The following RPTOR variants were observed in gnomAD, a reference collection of about 807,000 sequenced individuals.
RPTOR encodes regulatory associated protein of MTOR complex 1.
In RPTOR, 21 loss-of-function variants were observed where a neutral mutation model predicts 169.9. That is an observed-to-expected ratio of 0.12 (90% CI 0.09 to 0.18). The LOEUF is 0.18. RPTOR is among the 10% of genes least tolerant of loss of function. RPTOR has a pLI of 1.00. For missense variants in RPTOR, 1,133 were observed against 1,855.9 expected, an observed-to-expected ratio of 0.61 and a Z score of 7.16; for synonymous variants, 732 against 753.2, an observed-to-expected ratio of 0.97 and a Z score of 0.46.
At chr17:80,640,762 T>G (rs2065546884) in intron 2 of RPTOR, among the ~76,000 whole-genome samples, 1 of 151,916 alleles carries the variant, frequency 6.6e-6, no homozygotes. Context: ...TTCCAAGGGG[T>G]GAAATCCAAG....
chr17:80,759,958 G>T (rs138405817), intron 6 of RPTOR, among the ~76,000 whole-genome samples: 1 of 152,108 alleles, frequency 6.6e-6, no homozygotes, highest in African/African-American at 2.4e-5. Flanking sequence ...CAGAATTTAC[G>T]ATTTCATATC....
intron 1 of RPTOR, among the ~76,000 whole-genome samples, chr17:80,623,053 AC>A (rs1486857952): frequency 1.3e-5 from 2 of 152,258 alleles, no homozygotes; most frequent in Non-Finnish European, 2.9e-5. Flanking sequence ...TAAAGATTGT[AC>A]TTAAAATCAG....
chr17:80,905,044 C>T (rs538285992), intron 20 of RPTOR, among the ~76,000 whole-genome samples: 7 of 152,300 alleles, frequency 4.6e-5, no homozygotes, highest in Admixed American at 1.3e-4. Flanking sequence ...CCAGGGCCCA[C>T]GACGCTCAGT....
At chr17:80,743,321 C>G (rs1292175925) in intron 5 of RPTOR, 1 of 985,386 alleles carries the variant, frequency 1.0e-6, no homozygotes, top group African/African-American at 1.7e-5. Flanking sequence ...GCAGGGCGCT[C>G]TTGCAGGTTC....
intron 11 of RPTOR, among the ~76,000 whole-genome samples, chr17:80,852,334 G>A (rs2589149): frequency 0.11 from 16,260 of 152,036 alleles, 910 homozygotes; most frequent in Middle Eastern, 0.13. Context: ...CAGGTTAGCC[G>A]GCCCCAGAGC....
At chr17:80,840,170 C>A (rs537493213) in intron 10 of RPTOR, among the ~76,000 whole-genome samples, 67 of 152,294 alleles carry the variant, frequency 4.4e-4, no homozygotes, top group Non-Finnish European at 7.4e-4. Context: ...CTCCTCCCTT[C>A]CCCAGCAGTG....
intron 7 of RPTOR, among the ~76,000 whole-genome samples, chr17:80,808,995 G>A (rs1369459442): frequency 1.3e-5 from 2 of 152,194 alleles, no homozygotes; most frequent in Non-Finnish European, 2.9e-5. Flanking sequence ...CTTTGTGTGG[G>A]CATATATATT....
intron 3 of RPTOR, among the ~76,000 whole-genome samples, chr17:80,647,731 C>T (rs1001403617): frequency 7.2e-5 from 11 of 152,112 alleles, no homozygotes; most frequent in African/African-American, 2.7e-4. Context: ...AGGCGGAAGG[C>T]GCTCCTCAGT....
chr17:80,573,592 TA>T (rs2064930198), intron 1 of RPTOR, among the ~76,000 whole-genome samples: 2 of 152,198 alleles, frequency 1.3e-5, no homozygotes, highest in Non-Finnish European at 2.9e-5. Context: ...GAGTAAAAAT[TA>T]TTTTTTATAT....
intron 21 of RPTOR, among the ~76,000 whole-genome samples, chr17:80,910,833 T>C (rs2068603338): frequency 7.7e-6 from 1 of 130,542 alleles, no homozygotes; most frequent in Non-Finnish European, 1.6e-5. Flanking sequence ...AGTTGGTTCT[T>C]CTTCAGTTCT....
intron 3 of RPTOR, among the ~76,000 whole-genome samples, chr17:80,700,514 GT>G (rs2066079220): frequency 8.6e-6 from 1 of 115,982 alleles, no homozygotes; most frequent in African/African-American, 3.6e-5. Flanking sequence ...GATGGTGATG[GT>G]GATGGTGGTG....
Position 80,820,969 on chromosome 17 carries a change from C to A in RPTOR, c.891-1232C>A, listed in dbSNP as rs921380503. ...TTTGGAAATCTTTGTTTGAGACTTCCGGCATTGTTTGAGCAGCAGTGCTGC... is the reference window on the plus strand; with the variant it reads ...TTTGGAAATCTTTGTTTGAGACTTCAGGCATTGTTTGAGCAGCAGTGCTGC... On this transcript the variant is annotated intron_variant, in intron 7 of 33. Coordinates refer to ENST00000306801, the MANE Select transcript of RPTOR (RefSeq NM_020761.3). The surrounding 1 kb of genome is among the most constrained non-coding windows in gnomAD (Gnocchi z 4.1). Among the ~76,000 whole-genome samples the A allele has an allele frequency of 1.3e-5, 2 of 152,220 alleles. No individual in the cohort carries two copies. The highest frequency in any genetic ancestry group is 2.9e-5 in the Non-Finnish European group (2 of 68,038).
intron 1 of RPTOR, among the ~76,000 whole-genome samples, chr17:80,614,124 A>G (rs957661814): frequency 2.0e-5 from 3 of 152,142 alleles, no homozygotes; most frequent in Admixed American, 2.0e-4. Context: ...GCTCAAAGAT[A>G]AGCCAGGCCT....
intron 7 of RPTOR, among the ~76,000 whole-genome samples, chr17:80,819,289 C>G (rs919981717): frequency 2.0e-5 from 3 of 152,240 alleles, no homozygotes; most frequent in Non-Finnish European, 4.4e-5. Flanking sequence ...GGAAGGGTAT[C>G]CCCATGATCG....
chr17:80,871,263 G>T (rs565508283), intron 13 of RPTOR, among the ~76,000 whole-genome samples: 364 of 152,166 alleles, frequency 2.4e-3, no homozygotes, highest in African/African-American at 8.4e-3. Flanking sequence ...CCGCCACCAC[G>T]CCCGGCTAAT....
intron 20 of RPTOR, among the ~76,000 whole-genome samples, chr17:80,895,780 G>T (rs12103756): frequency 0.033 from 4,976 of 152,310 alleles, 180 homozygotes; most frequent in African/African-American, 0.087. Flanking sequence ...GCCAGCCTTT[G>T]TCTGTCTGAT....
At chr17:80,661,628 C>T (rs970591000) in intron 3 of RPTOR, among the ~76,000 whole-genome samples, 5 of 152,156 alleles carry the variant, frequency 3.3e-5, no homozygotes, top group African/African-American at 9.7e-5. Flanking sequence ...CTCTCCCCGG[C>T]GCTCCTATGC....
In RPTOR at chr17:80,815,238, C is replaced by T. The variant is rs557915433; in HGVS notation, c.891-6963C>T. Among the ~76,000 whole-genome samples the T allele has an allele frequency of 1.7e-4, 26 of 152,366 alleles. No individual in the cohort carries two copies. The South Asian group carries it at 3.7e-3, about 22-fold the overall frequency. On this transcript the variant is annotated intron_variant, in intron 7 of 33. Transcript: ENST00000306801. ...GGACAGAAGCTGGACCTGATGTACA[C>T]CTGGCCCAGGCTCTGCTGGCCCCAT...
intron 25 of RPTOR, 51 bp downstream of exon 25, chr17:80,940,652 G>T: frequency 6.8e-7 from 1 of 1,465,252 alleles, no homozygotes; most frequent in East Asian, 2.4e-5. Context: ...GGTGGGGCCT[G>T]GGGCGAGGGT....
Sources: allele counts gnomAD v4.1 joint callset (sites outside exome capture counted in the v4.1 genomes callset), GRCh38; gene constraint gnomAD v4.1.1; non-coding constraint Gnocchi (gnomAD v3.1); transcripts MANE v1.5; gene names NCBI Gene and HGNC (gene_info 2026-07-23, HGNC 2026-07-21).